The following C11orf65 variants were observed in gnomAD, a reference collection of about 807,000 sequenced individuals.
C11orf65 encodes protein MFI.
Under a neutral mutation model 35.3 loss-of-function variants are expected in C11orf65, and 38 were observed. The observed-to-expected ratio is 1.08, with a 90% CI of 0.83 to 1.41. C11orf65 has a LOEUF of 1.41. C11orf65 is among the 40% of genes most tolerant of loss of function. The pLI is 0.00. For synonymous variants in C11orf65, 105 were observed against 114.4 expected, an observed-to-expected ratio of 0.92 and a Z score of 0.53; for missense variants, 370 against 367.1, an observed-to-expected ratio of 1.01 and a Z score of -0.06.
At chr11:108,326,266 T>G in intron 6 of C11orf65, 1 of 1,609,820 alleles carries the variant, frequency 6.2e-7, no homozygotes, top group African/African-American at 1.3e-5. Flanking sequence ...TTTACTGTTA[T>G]TTAAAAAAAC....
intron 6 of C11orf65, chr11:108,315,718 T>C: frequency 1.3e-6 from 1 of 789,000 alleles, no homozygotes; most frequent in Non-Finnish European, 2.2e-6. Flanking sequence ...AACATAACAT[T>C]TAGAGTTGGG....
At chr11:108,335,324 C>T in intron 2 of C11orf65, 2 of 1,432,368 alleles carry the variant, frequency 1.4e-6, no homozygotes, top group Non-Finnish European at 1.9e-6. Flanking sequence ...ATGGTTGATT[C>T]AAGTAAAAGA....
chr11:108,373,078 TA>T (rs1283751657), intron 2 of C11orf65, among the ~76,000 whole-genome samples: 53 of 143,034 alleles, frequency 3.7e-4, no homozygotes, highest in Admixed American at 4.2e-4. Flanking sequence ...GACTGTCTCA[TA>T]AAAAAAAAAA....
rs546236377 is a variant in C11orf65, at chr11:108,412,619, C to A, written c.175-5470G>T. On this transcript the variant is annotated intron_variant, in intron 3 of 8. Coordinates refer to ENST00000393084, the MANE Select transcript of C11orf65 (RefSeq NM_152587.5). The stretch of plus-strand genomic sequence containing the variant: ...GGTGTGGTGGCATGCACCAGTAGTC[C>A]CAGCTACTTCAGAGGCTGGGGCGGG... 8.5e-5 allele frequency among the ~76,000 whole-genome samples: 13 copies of A among 152,150 alleles called. No individual in the cohort carries two copies. The East Asian group carries it at 2.5e-3, about 29-fold the overall frequency.
intron 2 of C11orf65, among the ~76,000 whole-genome samples, chr11:108,449,233 C>G (rs1435187024): frequency 2.0e-5 from 3 of 151,982 alleles, no homozygotes; most frequent in Admixed American, 6.6e-5. Flanking sequence ...AGATTCAATG[C>G]CATCCCCATC....
In C11orf65 at chr11:108,441,332, T is replaced by C. The variant is rs951617144; in HGVS notation, c.82-9494A>G. 7.2e-5 allele frequency among the ~76,000 whole-genome samples: 11 copies of C among 152,198 alleles called. 1 individual carries two copies. Among genetic ancestry groups the C allele is most frequent in the Middle Eastern group, 3.2e-3 (1 of 316 alleles). On this transcript the variant is annotated intron_variant, in intron 2 of 8. Coordinates refer to ENST00000393084, the MANE Select transcript of C11orf65 (RefSeq NM_152587.5). ...AAACAAAGCAGCCGGGAAGCTCGAA[T>C]TGGGTGGAGCCCACCAACAGTTCAA... is the stretch of plus-strand genomic sequence containing the variant.
At chr11:108,403,166 G>A (rs1036846787) in intron 6 of C11orf65, among the ~76,000 whole-genome samples, 3 of 152,102 alleles carry the variant, frequency 2.0e-5, no homozygotes, top group Non-Finnish European at 2.9e-5. Context: ...TTGTCAAACC[G>A]TTTTCTGAAG....
At chr11:108,421,380 G>T (rs1446735758) in intron 3 of C11orf65, among the ~76,000 whole-genome samples, 1 of 152,192 alleles carries the variant, frequency 6.6e-6, no homozygotes. Flanking sequence ...ACCAGGCCAG[G>T]TGCGATAGCT....
At chr11:108,432,032 G>A (rs1008322506) in intron 2 of C11orf65, among the ~76,000 whole-genome samples, 194 bp from the exon 3 acceptor site, 1 of 152,060 alleles carries the variant, frequency 6.6e-6, no homozygotes, top group Non-Finnish European at 1.5e-5. Flanking sequence ...TTCTCACAAA[G>A]AGATTTATTC....
intron 2 of C11orf65, chr11:108,347,233 G>C (rs754017896): frequency 1.5e-6 from 2 of 1,362,906 alleles, no homozygotes; most frequent in East Asian, 4.6e-5. Flanking sequence ...ATATTAGAAA[G>C]AGATGGAATC....
At chr11:108,458,410 G>T (rs2093433402) in intron 2 of C11orf65, among the ~76,000 whole-genome samples, 1 of 148,484 alleles carries the variant, frequency 6.7e-6, no homozygotes, top group African/African-American at 2.5e-5. Flanking sequence ...CAGACAGGAA[G>T]TCTAGCTTCT....
intron 7 of C11orf65, among the ~76,000 whole-genome samples, chr11:108,391,404 G>C (rs1056510383): frequency 6.6e-6 from 1 of 151,660 alleles, no homozygotes; most frequent in Admixed American, 6.6e-5. Context: ...TTTTTGAGAC[G>C]GAGTTTCACT....
At chr11:108,422,321 T>C (rs2092831136) in intron 3 of C11orf65, among the ~76,000 whole-genome samples, 1 of 152,212 alleles carries the variant, frequency 6.6e-6, no homozygotes, top group African/African-American at 2.4e-5. Context: ...CAAACATTTA[T>C]GTGGAAATAA....
intron 2 of C11orf65, among the ~76,000 whole-genome samples, chr11:108,433,421 A>T (rs1380202643): frequency 6.6e-6 from 1 of 151,894 alleles, no homozygotes; most frequent in Admixed American, 6.6e-5. Flanking sequence ...TACTAAAAAT[A>T]CAAAAAAAAT....
intron 3 of C11orf65, chr11:108,335,149 G>A (rs1447945291): frequency 6.2e-7 from 1 of 1,612,986 alleles, no homozygotes; most frequent in Admixed American, 1.7e-5. Context: ...TAGAGTTTTA[G>A]TGATGAAAAT....
downstream of C11orf65, among the ~76,000 whole-genome samples, chr11:108,380,649 G>A (rs902332161): frequency 2.0e-5 from 3 of 152,172 alleles, no homozygotes; most frequent in African/African-American, 7.2e-5. Flanking sequence ...CCAAAATCAT[G>A]GGCCTTTTCT....
chr11:108,326,539 AC>A (rs1302278023), downstream of C11orf65, among the ~76,000 whole-genome samples: 19 of 152,388 alleles, frequency 1.2e-4, no homozygotes, highest in Non-Finnish European at 2.6e-4. Context: ...ATTTGAAATG[AC>A]AAGTGAAAAA....
intron 6 of C11orf65, among the ~76,000 whole-genome samples, chr11:108,316,909 G>T (rs2084713051): frequency 6.6e-6 from 1 of 151,842 alleles, no homozygotes; most frequent in Non-Finnish European, 1.5e-5. Context: ...CTGGGCAATA[G>T]AGCGAGACTC....
chr11:108,358,417 A>G (rs906947508), intron 2 of C11orf65, among the ~76,000 whole-genome samples: 6 of 150,392 alleles, frequency 4.0e-5, no homozygotes, highest in African/African-American at 1.5e-4. Context: ...AAGGCAGGCC[A>G]ACGTTCAGAT....
Sources: gnomAD v4.1 joint callset for allele counts (sites outside exome capture counted in the v4.1 genomes callset) on GRCh38, gnomAD v4.1.1 for gene constraint, MANE v1.5 for transcripts, NCBI Gene and HGNC (gene_info 2026-07-23, HGNC 2026-07-21) for gene names.